LYRM4: variants seen among roughly 807,000 people sequenced by gnomAD.
LYRM4 encodes LYR motif-containing protein 4.
A neutral mutation model predicts 11.7 loss-of-function variants in LYRM4; 9 were observed. The observed-to-expected ratio is 0.77, with a 90% CI of 0.46 to 1.34. The LOEUF is 1.34. LYRM4 is among the 40% of genes most tolerant of loss of function. The pLI, the probability that LYRM4 is intolerant of heterozygous loss-of-function variation, is 0.00. For synonymous variants in LYRM4, 42 were observed against 40.4 expected, an observed-to-expected ratio of 1.04 and a Z score of -0.15; for missense variants, 133 against 112.5, an observed-to-expected ratio of 1.18 and a Z score of -0.82.
chr6:5,254,769 T>C (rs1764591085), intron 1 of LYRM4, among the ~76,000 whole-genome samples: 1 of 152,198 alleles, frequency 6.6e-6, no homozygotes, highest in Non-Finnish European at 1.5e-5. Context: ...TAAAATGAAA[T>C]ACCGTTCATT....
chr6:5,071,005 C>T, the LYRM4 span, among the ~76,000 whole-genome samples: 1 of 151,392 alleles, frequency 6.6e-6, no homozygotes, highest in Admixed American at 6.6e-5. Flanking sequence ...GCCTGGCCAA[C>T]ATGGTGAAAC....
intron 2 of LYRM4, among the ~76,000 whole-genome samples, chr6:5,125,317 A>G (rs1167500740): frequency 2.6e-5 from 4 of 152,028 alleles, no homozygotes; most frequent in East Asian, 1.9e-4. Flanking sequence ...CCCTCTTCCA[A>G]TCAACTAGTC....
chr6:5,118,115 GT>G (rs368008500), intron 2 of LYRM4, among the ~76,000 whole-genome samples: 15,303 of 129,410 alleles, frequency 0.12, 1,124 homozygotes, highest in African/African-American at 0.19. Flanking sequence ...GTTTTGTTTT[GT>G]TTTTTTTTTT....
rs1765047993 is a variant in LYRM4 at position 5,260,855 on chromosome 6, C to T, written c.-122G>A. 1 of 1,491,506 alleles carries T rather than the reference C, an allele frequency of 6.7e-7. No homozygotes were observed. The highest frequency in any genetic ancestry group is 1.4e-5 in the African/African-American group (1 of 70,940). The allele number at this position is 1,491,506 out of a possible 1,614,324, so 92.4% of individuals were successfully genotyped here. A position where few individuals can be genotyped will look rare whatever the true frequency, so the allele number is the denominator to read the frequency against. On this transcript the variant is annotated 5_prime_UTR_variant, in exon 1 of 3. Transcript: ENST00000330636. ...ATAAAATGCTGCGGCTCGGCTTTGC[C>T]AGCGGGCCGGGCCTAAGCCTAAGCG...
chr6:5,161,792 C>T (rs1255396293), intron 2 of LYRM4, among the ~76,000 whole-genome samples: 1 of 152,132 alleles, frequency 6.6e-6, no homozygotes, highest in Admixed American at 6.5e-5. Context: ...TGTAGTAGGG[C>T]TGAGGAGAAG....
Position 5,108,700 on chromosome 6 carries a change from C to A in LYRM4, c.*723G>T. On this transcript the variant is annotated 3_prime_UTR_variant, in exon 3 of 3. Coordinates refer to ENST00000330636, the MANE Select transcript of LYRM4 (RefSeq NM_020408.6). ...TTCAGGGTATGGGAGTCGCCCTGGG[C>A]TTGGGTCAGGCTGGGGCTCTCTCAT... 1.2e-6 allele frequency: 1 copy of A among 862,904 alleles called. No individual in the cohort carries two copies. The highest frequency in any genetic ancestry group is 1.4e-6 in the Non-Finnish European group (1 of 717,652). 53.5% of individuals were successfully genotyped at this position (862,904 alleles called of 1,614,324 possible).
chr6:5,122,121 A>G (rs1763483998), intron 2 of LYRM4, among the ~76,000 whole-genome samples: 2 of 152,190 alleles, frequency 1.3e-5, no homozygotes, highest in Admixed American at 1.3e-4. Flanking sequence ...GGAAAAAGGC[A>G]CATCCCGAGT....
intron 2 of LYRM4, among the ~76,000 whole-genome samples, chr6:5,113,797 G>A (rs144062074): frequency 0.062 from 9,446 of 151,294 alleles, 721 homozygotes; most frequent in African/African-American, 0.18. Flanking sequence ...GAACTCCTGG[G>A]CTTAAGTGAT....
chr6:5,138,199 A>C (rs1478992615), intron 2 of LYRM4, among the ~76,000 whole-genome samples: 1 of 152,162 alleles, frequency 6.6e-6, no homozygotes, highest in Non-Finnish European at 1.5e-5. Flanking sequence ...GAAGATATTC[A>C]AAGGCCAGGT....
chr6:5,044,934 A>G, the LYRM4 span, among the ~76,000 whole-genome samples: 1 of 152,236 alleles, frequency 6.6e-6, no homozygotes, highest in Admixed American at 6.5e-5. Flanking sequence ...CTTCCACTCC[A>G]AAGCAGAGAT....
intron 2 of LYRM4, among the ~76,000 whole-genome samples, chr6:5,154,992 T>C (rs1226069713): frequency 6.6e-6 from 1 of 152,162 alleles, no homozygotes; most frequent in East Asian, 1.9e-4. Flanking sequence ...ATGGGATGCA[T>C]AGACGGAGCA....
chr6:5,104,659 T>C (rs1286769532), downstream of LYRM4: 1 of 152,214 alleles, frequency 6.6e-6, no homozygotes, highest in East Asian at 1.9e-4. Flanking sequence ...GAAGAAAAGA[T>C]AAATTCATCG....
chr6:5,155,982 C>T (rs909576672), intron 2 of LYRM4, among the ~76,000 whole-genome samples: 1 of 152,216 alleles, frequency 6.6e-6, no homozygotes, highest in African/African-American at 2.4e-5. Context: ...CCAATGTTCT[C>T]ATTTCACACA....
In LYRM4 at chr6:5,118,971, G is replaced by T. The variant is rs539091776; in HGVS notation, c.208-9480C>A. Among the ~76,000 whole-genome samples the T allele has an allele frequency of 3.9e-5, 6 of 152,334 alleles. No individual in the cohort carries two copies. In the East Asian group the frequency reaches 1.2e-3, roughly 29 times the overall value. Reference sequence around the variant, plus strand: ...CATTTTATGCAACAGAGGAGTGCCTGAAGGGATCATCCGAACTGGAATACT... The same window carrying T: ...CATTTTATGCAACAGAGGAGTGCCTTAAGGGATCATCCGAACTGGAATACT... On this transcript the variant is annotated intron_variant, in intron 2 of 2. Coordinates refer to ENST00000330636, the MANE Select transcript of LYRM4 (RefSeq NM_020408.6).
At chr6:5,057,787 G>A in the LYRM4 span, among the ~76,000 whole-genome samples, 1 of 151,092 alleles carries the variant, frequency 6.6e-6, no homozygotes, top group South Asian at 2.1e-4. Flanking sequence ...TAAAGAGACA[G>A]GGTCTCTCTC....
At chr6:5,166,354 A>C (rs1442102836) in intron 2 of LYRM4, among the ~76,000 whole-genome samples, 1 of 152,226 alleles carries the variant, frequency 6.6e-6, no homozygotes, top group African/African-American at 2.4e-5. Flanking sequence ...CGGAGAGCTG[A>C]GTGTTTGACA....
At chr6:5,205,923 G>C (rs1317153821) in intron 2 of LYRM4, among the ~76,000 whole-genome samples, 1 of 152,118 alleles carries the variant, frequency 6.6e-6, no homozygotes, top group Non-Finnish European at 1.5e-5. Flanking sequence ...GCCATTGCTG[G>C]GTGTCAAAAG....
intron 2 of LYRM4, among the ~76,000 whole-genome samples, chr6:5,182,430 T>C (rs1760130593): frequency 1.3e-5 from 2 of 152,252 alleles, no homozygotes; most frequent in African/African-American, 4.8e-5. Context: ...GAAATATAAT[T>C]TAGCTTTTAA....
the LYRM4 span, among the ~76,000 whole-genome samples, chr6:5,050,096 A>G: frequency 6.6e-6 from 1 of 152,264 alleles, no homozygotes; most frequent in Non-Finnish European, 1.5e-5. Flanking sequence ...TCAGGAATCC[A>G]TTTCCCCATT....
Sources: allele counts gnomAD v4.1 joint callset (sites outside exome capture counted in the v4.1 genomes callset), GRCh38; gene constraint gnomAD v4.1.1; transcripts MANE v1.5; gene names NCBI Gene and HGNC (gene_info 2026-07-23, HGNC 2026-07-21).